The following EPHA6 variants were observed in gnomAD, a reference collection of about 807,000 sequenced individuals.
EPHA6 encodes the protein EPH receptor A6.
A neutral mutation model predicts 112.0 loss-of-function variants in EPHA6; 50 were observed. The ratio of observed to expected loss-of-function variants is 0.45; its 90% CI spans 0.36 to 0.56. The LOEUF is 0.56. EPHA6 is among the 20% of genes least tolerant of loss of function. EPHA6 has a pLI of 0.00. For synonymous variants in EPHA6, 529 were observed against 490.7 expected (o/e 1.08, Z -1.03); for missense variants, 1,280 against 1,417.4 (o/e 0.90, Z 1.56).
chr3:96,978,762 C>T (rs1052765530), intron 2 of EPHA6, among the ~76,000 whole-genome samples: 2 of 151,980 alleles, frequency 1.3e-5, no homozygotes, highest in Admixed American at 6.6e-5. Context: ...ATAACATTTC[C>T]GATTACCTGT....
chr3:97,073,280 C>T (rs910686137), intron 3 of EPHA6, among the ~76,000 whole-genome samples: 1 of 152,070 alleles, frequency 6.6e-6, no homozygotes, highest in Non-Finnish European at 1.5e-5. Context: ...TCATGCCGCT[C>T]GTTGTTTCTT....
intron 5 of EPHA6, among the ~76,000 whole-genome samples, chr3:97,315,843 G>C (rs145320771): frequency 6.6e-6 from 1 of 151,886 alleles, no homozygotes; most frequent in East Asian, 1.9e-4. Flanking sequence ...ATTTAACTCA[G>C]ATCTTCTTAT....
chr3:96,883,497 T>C (rs1357941024), intron 2 of EPHA6, among the ~76,000 whole-genome samples: 2 of 152,224 alleles, frequency 1.3e-5, no homozygotes, highest in African/African-American at 2.4e-5. Flanking sequence ...CTTAAGCCAA[T>C]GTCTAGAAGG....
intron 2 of EPHA6, among the ~76,000 whole-genome samples, chr3:96,907,600 A>G (rs1559820551): frequency 6.6e-6 from 1 of 151,736 alleles, no homozygotes; most frequent in African/African-American, 2.4e-5. Context: ...AATATTTTTA[A>G]TATTTAGTAA....
intron 5 of EPHA6, among the ~76,000 whole-genome samples, chr3:97,279,450 T>G (rs2080213279): frequency 6.6e-6 from 1 of 151,786 alleles, no homozygotes; most frequent in Non-Finnish European, 1.5e-5. Flanking sequence ...ATCATAAGCA[T>G]CTTTTGAGTG....
At chr3:97,203,204 G>A (rs774077987) in intron 3 of EPHA6, among the ~76,000 whole-genome samples, 12 of 152,130 alleles carry the variant, frequency 7.9e-5, no homozygotes, top group Non-Finnish European at 1.8e-4. Flanking sequence ...TCTGATCATA[G>A]TGTCAAAATT....
intron 5 of EPHA6, among the ~76,000 whole-genome samples, chr3:97,305,687 G>T (rs1576899646): frequency 6.6e-6 from 1 of 151,994 alleles, no homozygotes; most frequent in South Asian, 2.1e-4. Context: ...TGGACACAGG[G>T]AGGGGAACAA....
intron 5 of EPHA6, among the ~76,000 whole-genome samples, chr3:97,307,914 A>G (rs1289108101): frequency 1.4e-4 from 21 of 151,888 alleles, no homozygotes. Flanking sequence ...TATATTTATC[A>G]TAGACAACAT....
Position 97,759,091 on chromosome 3 carries a change from G to C in EPHA6, c.*10390G>C, listed in dbSNP as rs1323337251. ...CCAATGTTTAATAGGCAGATAATTA[G>C]AATTAAACAGAAGAAATGGAGTATA... On this transcript the variant is annotated 3_prime_UTR_variant, in exon 18 of 18. Coordinates refer to ENST00000389672, the MANE Select transcript of EPHA6 (RefSeq NM_001080448.3). 6.6e-6 allele frequency among the ~76,000 whole-genome samples: 1 copy of C among 151,990 alleles called. No individual in the cohort carries two copies. Among genetic ancestry groups the C allele is most frequent in the East Asian group, 1.9e-4 (1 of 5,190 alleles).
chr3:97,728,687 T>G (rs966568464), intron 15 of EPHA6, among the ~76,000 whole-genome samples: 5 of 152,262 alleles, frequency 3.3e-5, no homozygotes, highest in Non-Finnish European at 5.9e-5. Context: ...CAGAGTCCAG[T>G]CCTCTTTCCT....
intron 2 of EPHA6, among the ~76,000 whole-genome samples, chr3:96,893,442 A>G (rs2038092071): frequency 6.6e-6 from 1 of 152,190 alleles, no homozygotes; most frequent in African/African-American, 2.4e-5. Context: ...AACCATATAA[A>G]ATCCATACCT....
chr3:97,314,786 T>A (rs1321790473), intron 5 of EPHA6, among the ~76,000 whole-genome samples: 1 of 151,558 alleles, frequency 6.6e-6, no homozygotes, highest in Non-Finnish European at 1.5e-5. Context: ...AATTAGATAA[T>A]GAAAGGTTGA....
intron 3 of EPHA6, among the ~76,000 whole-genome samples, chr3:97,115,845 T>C (rs192977870): frequency 9.7e-4 from 148 of 151,974 alleles, no homozygotes; most frequent in African/African-American, 3.4e-3. Flanking sequence ...AAATAACATA[T>C]ATGATACGTT....
rs954901105 is a variant in EPHA6, at chr3:97,041,297, A to C, written c.1114+53304A>C. 2.0e-5 allele frequency among the ~76,000 whole-genome samples: 3 copies of C among 152,048 alleles called. No individual in the cohort carries two copies. In the South Asian group the frequency reaches 6.2e-4, roughly 31 times the overall value. On this transcript the variant is annotated intron_variant, in intron 3 of 17. Coordinates refer to ENST00000389672, the MANE Select transcript of EPHA6 (RefSeq NM_001080448.3). ...GACCATTTATTTATCCCTTGAAATCAGATATCTTTCCTGGTTTTGCCAGTC... is the reference window on the plus strand; with the variant it reads ...GACCATTTATTTATCCCTTGAAATCCGATATCTTTCCTGGTTTTGCCAGTC...
intron 5 of EPHA6, among the ~76,000 whole-genome samples, chr3:97,286,637 G>A (rs1327258087): frequency 6.7e-6 from 1 of 149,262 alleles, no homozygotes; most frequent in Non-Finnish European, 1.5e-5. Flanking sequence ...TGGTACCAAA[G>A]CCATATACTA....
intron 3 of EPHA6, among the ~76,000 whole-genome samples, chr3:97,154,165 CAAA>C (rs527904988): frequency 1.8e-5 from 2 of 109,250 alleles, no homozygotes; most frequent in African/African-American, 3.3e-5. Flanking sequence ...AACACTGTCT[CAAA>C]AAAAAAAAAA....
intron 3 of EPHA6, among the ~76,000 whole-genome samples, chr3:97,116,806 A>G (rs969870892): frequency 6.6e-6 from 1 of 151,648 alleles, no homozygotes; most frequent in Non-Finnish European, 1.5e-5. Context: ...GGGAGTGCAA[A>G]TATCTCTTGG....
At chr3:97,332,774 CTG>C (rs1476829282) in intron 5 of EPHA6, among the ~76,000 whole-genome samples, 1 of 152,090 alleles carries the variant, frequency 6.6e-6, no homozygotes, top group Non-Finnish European at 1.5e-5. Context: ...TTAGGCACAT[CTG>C]TGTGGATCTA....
intron 3 of EPHA6, among the ~76,000 whole-genome samples, chr3:97,040,967 A>T (rs1253016892): frequency 6.6e-6 from 1 of 152,012 alleles, no homozygotes; most frequent in Non-Finnish European, 1.5e-5. Context: ...TTATCCAGAC[A>T]ATCTTTTTCA....
Sources: gnomAD v4.1 joint callset for allele counts (sites outside exome capture counted in the v4.1 genomes callset) on GRCh38, gnomAD v4.1.1 for gene constraint, MANE v1.5 for transcripts, NCBI Gene and HGNC (gene_info 2026-07-23, HGNC 2026-07-21) for gene names.